Variants in MTR observed in about 807,000 individuals in gnomAD.
The protein encoded by MTR is methionine synthase.
In MTR, 84 loss-of-function variants were observed where a neutral mutation model predicts 154.8. The ratio of observed to expected loss-of-function variants is 0.54; its 90% CI spans 0.45 to 0.65. MTR has a LOEUF of 0.65. MTR is among the 30% of genes least tolerant of loss of function. The pLI is 0.00. For missense variants in MTR, 1,275 were observed against 1,570.2 expected (o/e 0.81, Z 3.18); for synonymous variants, 554 against 553.9 (o/e 1.00, Z 0.00).
At chr1:236,865,264 G>A (rs3768142) in intron 22 of MTR, among the ~76,000 whole-genome samples, 1 of 152,072 alleles carries the variant, frequency 6.6e-6, no homozygotes, top group South Asian at 2.1e-4. Context: ...CTGATGAAAC[G>A]TTACTTTCAT....
At chr1:236,838,093 G>T (rs1056138458) in intron 14 of MTR, among the ~76,000 whole-genome samples, 41 of 152,152 alleles carry the variant, frequency 2.7e-4, no homozygotes, top group Non-Finnish European at 3.1e-4. Context: ...CCTAGCTGAG[G>T]TGTTTGCCTC....
Position 236,897,745 on chromosome 1 carries a change from G to A in MTR, c.*101G>A, listed in dbSNP as rs1666746842. 4 of 1,031,196 alleles carry A rather than the reference G, an allele frequency of 3.9e-6. No homozygotes were observed. In the South Asian group the frequency reaches 4.0e-5, roughly 10 times the overall value. The allele number at this position is 1,031,196 out of a possible 1,614,324, so 63.9% of individuals were successfully genotyped here. ...AACAACAAAAAACCTGTGTGCATCTGGCTGACACTTACCTGCTTCTGGTTT... is the reference window on the plus strand; with the variant it reads ...AACAACAAAAAACCTGTGTGCATCTAGCTGACACTTACCTGCTTCTGGTTT... On this transcript the variant is annotated 3_prime_UTR_variant, in exon 33 of 33. Coordinates refer to ENST00000366577, the MANE Select transcript of MTR (RefSeq NM_000254.3).
intron 7 of MTR, among the ~76,000 whole-genome samples, chr1:236,816,041 C>T (rs986659292): frequency 6.6e-6 from 1 of 152,206 alleles, no homozygotes; most frequent in Non-Finnish European, 1.5e-5. Flanking sequence ...GTAGGCAGAC[C>T]TCTCTGCGAG....
In MTR at chr1:236,795,351, G is replaced by C; in HGVS notation, c.-353G>C. ...TGCGGGGCTCAGAGCCGGATGTCACGTCGTCCTCCTCTGCCGGTTTTCTCT... is the reference window on the plus strand; with the variant it reads ...TGCGGGGCTCAGAGCCGGATGTCACCTCGTCCTCCTCTGCCGGTTTTCTCT... On this transcript the variant is annotated 5_prime_UTR_variant, in exon 1 of 33. Transcript: ENST00000366577. The C allele has an allele frequency of 7.5e-7, 1 of 1,335,484 alleles. No individual in the cohort carries two copies. Among genetic ancestry groups the C allele is most frequent in the Non-Finnish European group, 9.8e-7 (1 of 1,019,798 alleles). 82.7% of individuals were successfully genotyped at this position (1,335,484 alleles called of 1,614,324 possible). A position where few individuals can be genotyped will look rare whatever the true frequency, so the allele number is the denominator to read the frequency against.
chr1:236,878,841 G>A (rs1335058493), intron 24 of MTR, among the ~76,000 whole-genome samples: 1 of 152,126 alleles, frequency 6.6e-6, no homozygotes, highest in Non-Finnish European at 1.5e-5. Context: ...TCTGCCCCAG[G>A]GCCATGGTCT....
intron 1 of MTR, among the ~76,000 whole-genome samples, chr1:236,797,530 G>T (rs1558266443): frequency 6.6e-6 from 1 of 152,082 alleles, no homozygotes; most frequent in African/African-American, 2.4e-5. Context: ...CAGTGAATTG[G>T]TATCAATTGA....
intron 12 of MTR, 41 bp downstream of exon 12, chr1:236,829,309 T>C: frequency 1.3e-6 from 2 of 1,509,320 alleles, no homozygotes; most frequent in Non-Finnish European, 1.8e-6. Flanking sequence ...GCAGAAACCA[T>C]TTGTGGAGTG....
Position 236,898,627 on chromosome 1 carries a change from A to G in MTR, c.*983A>G, listed in dbSNP as rs1009507416. 2 of 152,184 alleles carry G rather than the reference A, an allele frequency of 1.3e-5. No individual in the cohort carries two copies. Among genetic ancestry groups the G allele is most frequent in the African/African-American group, 4.8e-5 (2 of 41,530 alleles). 9.4% of individuals were successfully genotyped at this position (152,184 alleles called of 1,614,324 possible). On this transcript the variant is annotated 3_prime_UTR_variant, in exon 33 of 33. Transcript: ENST00000366577. ...ACAGGATTTCACTGTGTTAGCCAGG[A>G]TGGTCTTGATCTCCCGACCTCGTGA...
chr1:236,820,863 G>A (rs1429883606), intron 8 of MTR, among the ~76,000 whole-genome samples: 1 of 152,064 alleles, frequency 6.6e-6, no homozygotes, highest in East Asian at 1.9e-4. Flanking sequence ...GGTGTATAGT[G>A]GTATCTTGTT....
chr1:236,878,251 C>T (rs1665540771), intron 24 of MTR, among the ~76,000 whole-genome samples: 1 of 152,074 alleles, frequency 6.6e-6, no homozygotes, highest in Non-Finnish European at 1.5e-5. Context: ...AAGTCATCTC[C>T]TAGGAGAGCC....
intron 15 of MTR, among the ~76,000 whole-genome samples, chr1:236,848,100 T>G (rs892907251): frequency 1.3e-5 from 2 of 152,202 alleles, no homozygotes; most frequent in South Asian, 2.1e-4. Flanking sequence ...CTAGACGCCA[T>G]GAGAACAATT....
chr1:236,854,415 T>G (rs559805999), intron 18 of MTR, among the ~76,000 whole-genome samples: 2 of 152,328 alleles, frequency 1.3e-5, no homozygotes, highest in East Asian at 3.9e-4. Flanking sequence ...TAAGAAACAT[T>G]CCATAGATTT....
In MTR at chr1:236,816,391, A is replaced by T. The variant is rs941147398; in HGVS notation, c.670-58A>T. 7.6e-5 allele frequency: 108 copies of T among 1,413,992 alleles called. 1 individual carries two copies. In the South Asian group the frequency reaches 1.0e-3, roughly 14 times the overall value. The allele number at this position is 1,413,992 out of a possible 1,614,324, so 87.6% of individuals were successfully genotyped here. On this transcript the variant is annotated intron_variant, in intron 7 of 32. Transcript: ENST00000366577. The stretch of plus-strand genomic sequence containing the variant: ...AGTGTGTTCATTTTATTTTGCCTTT[A>T]TATCTATATTCTTAACTTGAGTCTG...
At chr1:236,866,260 A>G (rs911247187) in intron 22 of MTR, among the ~76,000 whole-genome samples, 64 of 152,268 alleles carry the variant, frequency 4.2e-4, no homozygotes, top group African/African-American at 1.5e-3. Flanking sequence ...AATTCTCACA[A>G]TATTTCAAAC....
chr1:236,826,188 A>G (rs1340052427), intron 10 of MTR, among the ~76,000 whole-genome samples: 7 of 152,352 alleles, frequency 4.6e-5, no homozygotes, highest in Admixed American at 3.3e-4. Context: ...TTAAAAATCA[A>G]TACTCTATTT....
intron 29 of MTR, among the ~76,000 whole-genome samples, chr1:236,892,353 G>A (rs1004390653): frequency 1.3e-5 from 2 of 151,970 alleles, no homozygotes; most frequent in African/African-American, 4.8e-5. Context: ...GTGCAGGCCT[G>A]TACTTCTTCA....
At chr1:236,873,899 A>G in intron 23 of MTR, 59 bp downstream of exon 23, 1 of 1,505,264 alleles carries the variant, frequency 6.6e-7, no homozygotes, top group Non-Finnish European at 9.2e-7. Context: ...GGTGTCTGTC[A>G]TTTCCCTAGT....
Position 236,795,513 on chromosome 1 carries a change from GGCCCT to G in MTR, c.-190_-186del, listed in dbSNP as rs1421575878. 1 of 1,525,026 alleles carries G rather than the reference GGCCCT, an allele frequency of 6.6e-7. No homozygotes were observed. The highest frequency in any genetic ancestry group is 8.8e-7 in the Non-Finnish European group (1 of 1,139,576). The allele number at this position is 1,525,026 out of a possible 1,614,324, so 94.5% of individuals were successfully genotyped here. On this transcript the variant is annotated 5_prime_UTR_variant, in exon 1 of 33. Coordinates refer to ENST00000366577, the MANE Select transcript of MTR (RefSeq NM_000254.3). Reference sequence around the variant, plus strand: ...AGTTGCCGCGCCCAGCCCCGAGAGAGGCCCTAGGGCGCTGCGGGCTTTCGGGGTCC... The same window carrying G: ...AGTTGCCGCGCCCAGCCCCGAGAGAGAGGGCGCTGCGGGCTTTCGGGGTCC...
At chr1:236,886,269 A>G in intron 26 of MTR, 23 bp from the exon 27 acceptor site, 1 of 1,606,636 alleles carries the variant, frequency 6.2e-7, no homozygotes, top group Non-Finnish European at 8.5e-7. Context: ...GTGTCTAACT[A>G]ATTTTTCTTT....
Sources: allele counts gnomAD v4.1 joint callset (sites outside exome capture counted in the v4.1 genomes callset), GRCh38; gene constraint gnomAD v4.1.1; transcripts MANE v1.5; gene names NCBI Gene and HGNC (gene_info 2026-07-23, HGNC 2026-07-21).